The following NCAM1 variants were observed in gnomAD, a reference collection of about 807,000 sequenced individuals.
NCAM1 encodes antigen recognized by monoclonal antibody 5.1H11.
In NCAM1, 14 loss-of-function variants were observed where a neutral mutation model predicts 109.8. The observed-to-expected ratio is 0.13, with a 90% CI of 0.08 to 0.20. NCAM1 has a LOEUF of 0.20. Among genes scored for constraint, NCAM1 ranks in the 10% least tolerant of loss-of-function variants. The pLI is 1.00. For missense variants in NCAM1, 774 were observed against 1,109.9 expected (o/e 0.70, Z 4.30); for synonymous variants, 418 against 442.9 (o/e 0.94, Z 0.70).
chr11:113,179,526 A>G (rs1284559701), intron 1 of NCAM1, among the ~76,000 whole-genome samples: 1 of 152,192 alleles, frequency 6.6e-6, no homozygotes, highest in East Asian at 1.9e-4. Context: ...CCAGAGGCCT[A>G]TTGTGTGGCA....
chr11:113,235,415 AG>A, intron 14 of NCAM1: 1 of 785,818 alleles, frequency 1.3e-6, no homozygotes, highest in Admixed American at 1.8e-5. Flanking sequence ...TTAGAATAAC[AG>A]TGAAGGGGAA....
intron 1 of NCAM1, among the ~76,000 whole-genome samples, chr11:113,048,947 G>T (rs1420233527): frequency 6.6e-6 from 1 of 152,156 alleles, no homozygotes; most frequent in Non-Finnish European, 1.5e-5. Context: ...GCTCTTGTGA[G>T]CTGAGTATTG....
chr11:113,126,970 G>A (rs948414401), intron 1 of NCAM1, among the ~76,000 whole-genome samples: 1 of 152,210 alleles, frequency 6.6e-6, no homozygotes, highest in African/African-American at 2.4e-5. Context: ...TTTCTCTAGA[G>A]GATAAATCCT....
chr11:113,125,941 A>C (rs1303370912), intron 1 of NCAM1, among the ~76,000 whole-genome samples: 1 of 152,000 alleles, frequency 6.6e-6, no homozygotes, highest in African/African-American at 2.4e-5. Flanking sequence ...AGATCACTTA[A>C]GGTCAGGAGT....
chr11:113,025,809 GAGAGAGAGA>G (rs1565390332), intron 1 of NCAM1, among the ~76,000 whole-genome samples: 1 of 150,634 alleles, frequency 6.6e-6, no homozygotes, highest in Admixed American at 6.6e-5. Context: ...GAGAGAGAGA[GAGAGAGAGA>G]GAGAGGGAGA....
intron 1 of NCAM1, among the ~76,000 whole-genome samples, chr11:113,107,573 C>T (rs537562530): frequency 6.3e-4 from 96 of 152,200 alleles, no homozygotes; most frequent in African/African-American, 2.0e-3. Flanking sequence ...AGGGGAAAGG[C>T]ATTTCTTATG....
chr11:113,217,116 T>C (rs540294163), intron 8 of NCAM1, among the ~76,000 whole-genome samples: 1 of 152,206 alleles, frequency 6.6e-6, no homozygotes, highest in Non-Finnish European at 1.5e-5. Flanking sequence ...GAGATTTAGA[T>C]CACATAAAAT....
intron 1 of NCAM1, among the ~76,000 whole-genome samples, chr11:113,097,083 T>G (rs1555090588): frequency 6.6e-6 from 1 of 152,156 alleles, no homozygotes; most frequent in African/African-American, 2.4e-5. Context: ...GCAGACTTCT[T>G]ATCTCCATTT....
chr11:113,002,881 G>A (rs1177931841), intron 1 of NCAM1, among the ~76,000 whole-genome samples: 4 of 152,214 alleles, frequency 2.6e-5, no homozygotes, highest in Admixed American at 2.6e-4. Flanking sequence ...CTTTTAATAA[G>A]TTAATGTTTA....
intron 1 of NCAM1, among the ~76,000 whole-genome samples, chr11:113,113,415 G>C (rs1358922919): frequency 2.6e-5 from 4 of 152,104 alleles, no homozygotes; most frequent in African/African-American, 9.7e-5. Context: ...TTGTTCATTT[G>C]AATTTGTTGA....
At chr11:113,224,052 G>T (rs2137124247) in intron 9 of NCAM1, among the ~76,000 whole-genome samples, 1 of 152,340 alleles carries the variant, frequency 6.6e-6, no homozygotes, top group Non-Finnish European at 1.5e-5. Flanking sequence ...GAGGTACCGG[G>T]TTCATCTCAC....
intron 1 of NCAM1, among the ~76,000 whole-genome samples, chr11:112,982,722 T>C (rs540642376): frequency 1.6e-4 from 25 of 151,904 alleles, no homozygotes; most frequent in African/African-American, 5.8e-4. Flanking sequence ...GTGAGGCGCA[T>C]GGTAAGAGTA....
At chr11:113,004,261 A>G (rs542149634) in intron 1 of NCAM1, among the ~76,000 whole-genome samples, 1 of 152,176 alleles carries the variant, frequency 6.6e-6, no homozygotes, top group East Asian at 1.9e-4. Context: ...TTGGGAGGCC[A>G]AGGAGGGTGG....
chr11:113,188,098 A>G (rs782290451), intron 1 of NCAM1, among the ~76,000 whole-genome samples: 3 of 152,228 alleles, frequency 2.0e-5, no homozygotes, highest in Non-Finnish European at 4.4e-5. Flanking sequence ...TCTGTTTGCC[A>G]GTCCTGTAAC....
At chr11:113,148,718 G>A (rs1451613768) in intron 1 of NCAM1, among the ~76,000 whole-genome samples, 1 of 152,168 alleles carries the variant, frequency 6.6e-6, no homozygotes, top group African/African-American at 2.4e-5. Flanking sequence ...TTTCAAACCT[G>A]CTCACTCAAT....
chr11:112,974,876 A>G (rs1202903992), intron 1 of NCAM1, among the ~76,000 whole-genome samples: 24 of 151,648 alleles, frequency 1.6e-4, no homozygotes, highest in African/African-American at 4.4e-4. Context: ...CAGAGGCTCT[A>G]TTGACTTTAA....
In NCAM1 at chr11:113,206,177, A is replaced by G. The variant is rs1944232653; in HGVS notation, c.625A>G (p.Asn209Asp). Residue 209 changes from asparagine (N) to aspartate (D), a missense_variant, in exon 5 of 20, where the codon AAT (asparagine) becomes GAT (aspartate). Physicochemically the swap from Asn to Asp is conservative, Grantham distance 23. Transcript: ENST00000316851. ...INFKDIQVIV[N>D]VPPTIQARQN... Reference sequence around the variant, plus strand: ...CTTCAAGGACATTCAGGTCATTGTGAATGGTGAGGAGAGTCCGTTCTTCCT... The same window carrying G: ...CTTCAAGGACATTCAGGTCATTGTGGATGGTGAGGAGAGTCCGTTCTTCCT... 2 of 1,610,200 alleles carry G rather than the reference A, an allele frequency of 1.2e-6. No homozygotes were observed. The highest frequency in any genetic ancestry group is 1.7e-6 in the Non-Finnish European group (2 of 1,178,152).
At chr11:112,987,373 G>A (rs1260649566) in intron 1 of NCAM1, among the ~76,000 whole-genome samples, 12 of 152,178 alleles carry the variant, frequency 7.9e-5, no homozygotes, top group Admixed American at 2.6e-4. Context: ...TTCTGCTGCC[G>A]TTGAATGGAA....
chr11:113,092,411 T>C (rs1459559036), intron 1 of NCAM1, among the ~76,000 whole-genome samples: 3 of 152,122 alleles, frequency 2.0e-5, no homozygotes, highest in Admixed American at 6.6e-5. Context: ...TTGCCGGTAA[T>C]TGAATCATTG....
Sources: allele counts gnomAD v4.1 joint callset (sites outside exome capture counted in the v4.1 genomes callset), GRCh38; gene constraint gnomAD v4.1.1; transcripts MANE v1.5; gene names NCBI Gene and HGNC (gene_info 2026-07-23, HGNC 2026-07-21).